Variants in LTBP1 observed in about 807,000 individuals in gnomAD.
The protein encoded by LTBP1 is latent-transforming growth factor beta-binding protein 1.
In LTBP1, 129 loss-of-function variants were observed where a neutral mutation model predicts 207.6. The observed-to-expected ratio is 0.62, with a 90% CI of 0.54 to 0.72. The LOEUF is 0.72. Among genes scored for constraint, LTBP1 ranks in the 30% least tolerant of loss-of-function variants. The pLI, the probability that LTBP1 is intolerant of heterozygous loss-of-function variation, is 0.00. For synonymous variants in LTBP1, 963 were observed against 833.7 expected (o/e 1.16, Z -2.67); for missense variants, 2,281 against 2,217.2 (o/e 1.03, Z -0.58).
At chr2:33,207,362 T>C (rs1009232156) in intron 7 of LTBP1, among the ~76,000 whole-genome samples, 2 of 149,560 alleles carry the variant, frequency 1.3e-5, no homozygotes, top group Non-Finnish European at 2.9e-5. Flanking sequence ...TGTGGATACA[T>C]TTCCAGCAGT....
rs2094510424 is a variant in LTBP1 at position 33,332,692 on chromosome 2, G to T, written c.3731-10146G>T. Among the ~76,000 whole-genome samples, 16 of 152,104 alleles carry T rather than the reference G, an allele frequency of 1.1e-4. No homozygotes were observed. The South Asian group carries it at 3.3e-3, about 32-fold the overall frequency. ...CTGCCTCAGCCTCCCAAGTAGCTGG[G>T]ACTACAGGCGCCCACCACCATGCCC... is the stretch of plus-strand genomic sequence containing the variant. On this transcript the variant is annotated intron_variant, in intron 24 of 33. Coordinates refer to ENST00000404816, the MANE Select transcript of LTBP1 (RefSeq NM_206943.4).
At chr2:33,166,933 C>T (rs2084970557) in intron 5 of LTBP1, among the ~76,000 whole-genome samples, 1 of 152,166 alleles carries the variant, frequency 6.6e-6, no homozygotes, top group Non-Finnish European at 1.5e-5. Flanking sequence ...ATGTAACTGA[C>T]TTTCCAAATT....
intron 3 of LTBP1, among the ~76,000 whole-genome samples, chr2:33,072,683 G>T (rs991276606): frequency 2.6e-5 from 4 of 152,180 alleles, no homozygotes; most frequent in South Asian, 2.1e-4. Context: ...AACATGAGGT[G>T]ATAAGGACTA....
At chr2:33,284,138 T>C (rs2093617531) in intron 19 of LTBP1, among the ~76,000 whole-genome samples, 1 of 152,234 alleles carries the variant, frequency 6.6e-6, no homozygotes, top group South Asian at 2.1e-4. Flanking sequence ...GTTAATGGCC[T>C]CTTTGTATTC....
intron 3 of LTBP1, among the ~76,000 whole-genome samples, chr2:33,025,521 TA>T (rs1489929198): frequency 6.6e-6 from 1 of 152,204 alleles, no homozygotes; most frequent in Non-Finnish European, 1.5e-5. Context: ...GTATTTTGAT[TA>T]TGTTTCTATC....
chr2:33,323,345 T>TA (rs1051902580), intron 24 of LTBP1, among the ~76,000 whole-genome samples: 16 of 152,124 alleles, frequency 1.1e-4, no homozygotes, highest in African/African-American at 3.4e-4. Context: ...CTTCATAAAG[T>TA]AAAAAAATCG....
chr2:33,344,533 G>A (rs1216618923), intron 25 of LTBP1, among the ~76,000 whole-genome samples: 1 of 152,076 alleles, frequency 6.6e-6, no homozygotes, highest in Admixed American at 6.5e-5. Flanking sequence ...CCTTCCCTGA[G>A]CCCTGGATTT....
chr2:33,323,188 G>A (rs968170823), intron 24 of LTBP1, among the ~76,000 whole-genome samples: 1 of 152,042 alleles, frequency 6.6e-6, no homozygotes, highest in Non-Finnish European at 1.5e-5. Context: ...CTAGCCTATA[G>A]TTAGGCAAAA....
At chr2:33,043,102 G>A (rs752993506) in intron 3 of LTBP1, among the ~76,000 whole-genome samples, 34 of 152,324 alleles carry the variant, frequency 2.2e-4, no homozygotes, top group Admixed American at 3.9e-4. Flanking sequence ...GTGAACCGCT[G>A]TTCTAGAGGG....
intron 2 of LTBP1, among the ~76,000 whole-genome samples, chr2:32,953,652 G>A (rs1223246449): frequency 1.3e-5 from 2 of 152,182 alleles, no homozygotes; most frequent in African/African-American, 2.4e-5. Flanking sequence ...TGGGCCTGCT[G>A]AGGATGCCGC....
chr2:33,093,531 A>G (rs887463357), intron 3 of LTBP1, among the ~76,000 whole-genome samples: 3 of 151,834 alleles, frequency 2.0e-5, no homozygotes, highest in Admixed American at 6.6e-5. Flanking sequence ...TTTTACCTTC[A>G]TGGGCTCCGC....
At chr2:33,314,760 A>G (rs190714620) in intron 23 of LTBP1, among the ~76,000 whole-genome samples, 8 of 152,354 alleles carry the variant, frequency 5.3e-5, no homozygotes, top group Non-Finnish European at 8.8e-5. Flanking sequence ...ACAAGGTACT[A>G]CAGACTATAA....
intron 2 of LTBP1, among the ~76,000 whole-genome samples, chr2:32,973,936 C>T (rs1170181260): frequency 6.6e-6 from 1 of 152,084 alleles, no homozygotes; most frequent in Non-Finnish European, 1.5e-5. Context: ...GGATTTTATT[C>T]TTTTTTATGG....
At chr2:33,191,074 C>G (rs968775590) in intron 7 of LTBP1, among the ~76,000 whole-genome samples, 2 of 152,222 alleles carry the variant, frequency 1.3e-5, no homozygotes, top group South Asian at 2.1e-4. Flanking sequence ...TTCATTCCAG[C>G]TTAGGTTGGT....
intron 5 of LTBP1, among the ~76,000 whole-genome samples, chr2:33,144,081 A>G (rs1178136465): frequency 6.6e-6 from 1 of 150,560 alleles, no homozygotes; most frequent in Admixed American, 6.7e-5. Flanking sequence ...TTAATTCTCA[A>G]ACTCCATCTC....
chr2:33,061,750 AAAT>A (rs1459758364), intron 3 of LTBP1, among the ~76,000 whole-genome samples: 1 of 152,200 alleles, frequency 6.6e-6, no homozygotes, highest in Non-Finnish European at 1.5e-5. Context: ...GGGCTATTAT[AAAT>A]AAAGCTGCCA....
At chr2:33,326,245 A>G (rs2094425358) in intron 24 of LTBP1, among the ~76,000 whole-genome samples, 1 of 152,196 alleles carries the variant, frequency 6.6e-6, no homozygotes, top group African/African-American at 2.4e-5. Flanking sequence ...TGGCTTTCTC[A>G]CGCAGCACCT....
intron 24 of LTBP1, among the ~76,000 whole-genome samples, chr2:33,333,534 T>C (rs72859576): frequency 6.6e-6 from 1 of 152,152 alleles, no homozygotes; most frequent in Non-Finnish European, 1.5e-5. Flanking sequence ...GATTAGAACA[T>C]AGAGTTGAAC....
At chr2:33,231,591 T>G (rs566886069) in intron 9 of LTBP1, among the ~76,000 whole-genome samples, 33 of 152,292 alleles carry the variant, frequency 2.2e-4, no homozygotes, top group African/African-American at 7.5e-4. Flanking sequence ...ACTGCAGTAC[T>G]GTGAGCAGGT....
Sources: allele counts gnomAD v4.1 joint callset (sites outside exome capture counted in the v4.1 genomes callset), GRCh38; gene constraint gnomAD v4.1.1; transcripts MANE v1.5; gene names NCBI Gene and HGNC (gene_info 2026-07-23, HGNC 2026-07-21).